NTRK3: variants seen among roughly 807,000 people sequenced by gnomAD.
NTRK3 encodes NT-3 growth factor receptor.
A neutral mutation model predicts 91.7 loss-of-function variants in NTRK3; 24 were observed. That is an observed-to-expected ratio of 0.26 (90% confidence interval 0.19 to 0.37). The LOEUF is 0.37. Among genes scored for constraint, NTRK3 ranks in the 10% least tolerant of loss-of-function variants. The pLI is 1.00. For missense variants in NTRK3, 880 were observed against 1,068.9 expected, an observed-to-expected ratio of 0.82 and a Z score of 2.46; for synonymous variants, 483 against 404.0, an observed-to-expected ratio of 1.20 and a Z score of -2.34.
chr15:88,156,980 A>G (rs184474734), intron 5 of NTRK3, among the ~76,000 whole-genome samples: 32 of 152,260 alleles, frequency 2.1e-4, no homozygotes, highest in African/African-American at 7.5e-4. Context: ...ACCACAGTGC[A>G]CAAAGAGACT....
chr15:88,179,823 C>G (rs958420531), intron 5 of NTRK3, among the ~76,000 whole-genome samples: 3 of 152,178 alleles, frequency 2.0e-5, no homozygotes, highest in Non-Finnish European at 2.9e-5. Context: ...GGCCTACATA[C>G]AGTCTAGAGC....
chr15:87,886,329 A>G (rs1596086446), intron 17 of NTRK3, among the ~76,000 whole-genome samples: 1 of 151,976 alleles, frequency 6.6e-6, no homozygotes, highest in Admixed American at 6.6e-5. Context: ...AAGATAATTC[A>G]CTCAGGTAAG....
intron 3 of NTRK3, among the ~76,000 whole-genome samples, chr15:88,220,229 G>C (rs991815234): frequency 6.6e-6 from 1 of 152,212 alleles, no homozygotes; most frequent in Non-Finnish European, 1.5e-5. Flanking sequence ...GCTCCCCCAA[G>C]CAAATCAACC....
At chr15:88,048,747 T>C (rs761985327) in intron 13 of NTRK3, among the ~76,000 whole-genome samples, 10 of 152,210 alleles carry the variant, frequency 6.6e-5, no homozygotes, top group African/African-American at 9.7e-5. Flanking sequence ...GACTTGGGAT[T>C]ATTAAAATGA....
At chr15:87,882,454 A>T (rs1056486363) in intron 17 of NTRK3, among the ~76,000 whole-genome samples, 5 of 152,202 alleles carry the variant, frequency 3.3e-5, no homozygotes, top group African/African-American at 1.2e-4. Context: ...AATTTGAATA[A>T]TGGTTGTTAA....
intron 17 of NTRK3, among the ~76,000 whole-genome samples, chr15:87,906,681 T>C (rs1029378225): frequency 2.6e-5 from 4 of 152,158 alleles, no homozygotes; most frequent in Non-Finnish European, 4.4e-5. Context: ...AGAAACTAAA[T>C]AAACTAAAAT....
At chr15:88,131,633 A>G (rs908750645) in intron 10 of NTRK3, among the ~76,000 whole-genome samples, 6 of 152,184 alleles carry the variant, frequency 3.9e-5, no homozygotes, top group Non-Finnish European at 7.3e-5. Flanking sequence ...GTTTACATTC[A>G]TTTGCATATG....
Position 88,255,577 on chromosome 15 carries a change from C to CAA in NTRK3, c.248+327_248+328dup, listed in dbSNP as rs142609804. ...CAAACTGTTGCTATTTAGTGGGGAG[C>CAA]AAAAAAAAACAATTTGCACCATCGA... On this transcript the variant is annotated intron_variant, in intron 3 of 18. Coordinates refer to ENST00000394480, the Ensembl canonical transcript of NTRK3. The surrounding 1 kb of genome is among the most constrained non-coding windows in gnomAD (Gnocchi z 4.3). Among the ~76,000 whole-genome samples, 11 of 149,916 alleles carry CAA rather than the reference C, an allele frequency of 7.3e-5. No homozygotes were observed. The East Asian group carries it at 1.2e-3, about 16-fold the overall frequency.
At chr15:88,015,919 T>C (rs980993827) in intron 14 of NTRK3, among the ~76,000 whole-genome samples, 1 of 151,832 alleles carries the variant, frequency 6.6e-6, no homozygotes, top group Non-Finnish European at 1.5e-5. Flanking sequence ...ACGTATTATG[T>C]AGCCATTAAA....
Position 88,240,502 on chromosome 15 carries a change from C to T in NTRK3, c.248+15404G>A, listed in dbSNP as rs1189709690. ...CACCCTCCTTACCACCAAAACAGCA[C>T]GTCATGTGTCCTGTCGGCCCAAGGG... On this transcript the variant is annotated intron_variant, in intron 3 of 18. Transcript: ENST00000394480. The surrounding 1 kb of genome is among the most constrained non-coding windows in gnomAD (Gnocchi z 4.9). 2.6e-5 allele frequency among the ~76,000 whole-genome samples: 4 copies of T among 152,194 alleles called. No individual in the cohort carries two copies. Among genetic ancestry groups the T allele is most frequent in the Non-Finnish European group, 4.4e-5 (3 of 68,036 alleles).
At chr15:88,127,046 ACTTTT>A (rs889883067) in intron 12 of NTRK3, 111 bp downstream of exon 12, 1 of 893,446 alleles carries the variant, frequency 1.1e-6, no homozygotes, top group Non-Finnish European at 1.8e-6. Flanking sequence ...TCAATTCATT[ACTTTT>A]TTTTTTCAAA....
At chr15:88,069,002 A>G (rs2046887220) in intron 13 of NTRK3, among the ~76,000 whole-genome samples, 1 of 152,200 alleles carries the variant, frequency 6.6e-6, no homozygotes, top group East Asian at 1.9e-4. Context: ...CCACAAAGCA[A>G]GCCAAGAACT....
At chr15:88,033,185 T>C (rs1243223782) in intron 13 of NTRK3, 140 bp from the exon 14 acceptor site, 29 of 92,768 alleles carry the variant, frequency 3.1e-4, no homozygotes, top group South Asian at 2.7e-3. Flanking sequence ...GTTATATATA[T>C]ATATATATAT....
At chr15:87,936,254 G>A (rs368740386) in intron 15 of NTRK3, among the ~76,000 whole-genome samples, 20 of 152,162 alleles carry the variant, frequency 1.3e-4, no homozygotes, top group African/African-American at 2.9e-4. Flanking sequence ...TGGCTCAGGC[G>A]TTTGTATAGT....
intron 5 of NTRK3, among the ~76,000 whole-genome samples, chr15:88,176,260 C>T (rs2045986480): frequency 6.6e-6 from 1 of 151,666 alleles, no homozygotes; most frequent in African/African-American, 2.4e-5. Flanking sequence ...CCTCAACCTC[C>T]TGAGTAGTTG....
chr15:88,244,317 A>T (rs1235463820), intron 3 of NTRK3, among the ~76,000 whole-genome samples: 4 of 152,232 alleles, frequency 2.6e-5, no homozygotes, highest in Admixed American at 2.6e-4. Flanking sequence ...ACACCATCTC[A>T]TAGCAACTCT....
chr15:88,190,387 T>G (rs570686816), intron 3 of NTRK3, among the ~76,000 whole-genome samples: 15 of 152,360 alleles, frequency 9.8e-5, no homozygotes, highest in Middle Eastern at 3.4e-3. Context: ...TACATTTTCT[T>G]GATGACCTTA....
At chr15:88,039,357 A>G (rs1414384188) in intron 13 of NTRK3, among the ~76,000 whole-genome samples, 2 of 152,212 alleles carry the variant, frequency 1.3e-5, no homozygotes, top group Admixed American at 1.3e-4. Flanking sequence ...ACAGACTCTC[A>G]ATATCATATT....
chr15:88,209,545 C>G (rs1010967238), intron 3 of NTRK3, among the ~76,000 whole-genome samples: 1 of 152,230 alleles, frequency 6.6e-6, no homozygotes, highest in South Asian at 2.1e-4. Context: ...AAACAGGTAG[C>G]CACAAGGCAA....
Sources: allele counts gnomAD v4.1 joint callset (sites outside exome capture counted in the v4.1 genomes callset), GRCh38; gene constraint gnomAD v4.1.1; non-coding constraint Gnocchi (gnomAD v3.1); transcripts MANE v1.5; gene names NCBI Gene and HGNC (gene_info 2026-07-23, HGNC 2026-07-21).